The following USH2A variants were observed in gnomAD, a reference collection of about 807,000 sequenced individuals.
USH2A encodes Usher syndrome 2A (autosomal recessive, mild).
In USH2A, 443 loss-of-function variants were observed where a neutral mutation model predicts 538.9. The observed-to-expected ratio is 0.82, with a 90% CI of 0.76 to 0.89. USH2A has a LOEUF of 0.89. Among genes scored for constraint, USH2A ranks in the 40% least tolerant of loss-of-function variants. The pLI, the probability that USH2A is intolerant of heterozygous loss-of-function variation, is 0.00. For synonymous variants in USH2A, 2,413 were observed against 2,273.5 expected (o/e 1.06, Z -1.75); for missense variants, 6,633 against 6,324.8 (o/e 1.05, Z -1.65).
intron 3 of USH2A, among the ~76,000 whole-genome samples, chr1:216,384,384 G>T (rs760647919): frequency 3.3e-5 from 5 of 151,992 alleles, no homozygotes; most frequent in Non-Finnish European, 7.4e-5. Context: ...GGTAGGGGAA[G>T]AAATGCTAAA....
intron 32 of USH2A, among the ~76,000 whole-genome samples, chr1:216,010,845 C>A (rs1668544576): frequency 6.6e-6 from 1 of 151,914 alleles, no homozygotes; most frequent in African/African-American, 2.4e-5. Context: ...CTTCCCAATC[C>A]AAAGCCTCCT....
chr1:215,659,595 G>A (rs1468430352), intron 64 of USH2A, among the ~76,000 whole-genome samples: 1 of 152,046 alleles, frequency 6.6e-6, no homozygotes, highest in African/African-American at 2.4e-5. Context: ...TAGCCTTAAA[G>A]TCAACTTATT....
At chr1:215,733,211 G>T (rs1660057546) in intron 60 of USH2A, among the ~76,000 whole-genome samples, 1 of 120,762 alleles carries the variant, frequency 8.3e-6, no homozygotes. Context: ...GGGGCGGGGG[G>T]CGGGTGGAGT....
At chr1:215,759,326 C>G (rs1660907783) in intron 57 of USH2A, among the ~76,000 whole-genome samples, 1 of 152,018 alleles carries the variant, frequency 6.6e-6, no homozygotes, top group Admixed American at 6.6e-5. Flanking sequence ...TGACGGAAAA[C>G]AAAACTCTTT....
At chr1:216,187,210 A>AT (rs1367284749) in intron 20 of USH2A, among the ~76,000 whole-genome samples, 1 of 151,714 alleles carries the variant, frequency 6.6e-6, no homozygotes, top group Non-Finnish European at 1.5e-5. Flanking sequence ...TTCCCATAGC[A>AT]TTTTTTTCAC....
chr1:215,736,559 A>T (rs565040689), intron 60 of USH2A, among the ~76,000 whole-genome samples: 1 of 152,082 alleles, frequency 6.6e-6, no homozygotes, highest in South Asian at 2.1e-4. Flanking sequence ...TAAGGAGTAG[A>T]GCCATAAAAG....
chr1:216,300,974 T>G (rs1247870265), intron 9 of USH2A, among the ~76,000 whole-genome samples: 1 of 151,942 alleles, frequency 6.6e-6, no homozygotes, highest in Non-Finnish European at 1.5e-5. Flanking sequence ...CGTCTCAAAC[T>G]CCTGACTTCA....
intron 14 of USH2A, among the ~76,000 whole-genome samples, chr1:216,226,472 T>C (rs2035563447): frequency 1.3e-5 from 2 of 152,174 alleles, no homozygotes; most frequent in Admixed American, 1.3e-4. Flanking sequence ...GTAGCTTGGT[T>C]AGCCTCCTCC....
intron 61 of USH2A, among the ~76,000 whole-genome samples, chr1:215,714,839 G>A (rs1659436517): frequency 6.6e-6 from 1 of 152,212 alleles, no homozygotes; most frequent in South Asian, 2.1e-4. Context: ...GGTGTTTTTG[G>A]TGTAATAGGT....
intron 5 of USH2A, among the ~76,000 whole-genome samples, chr1:216,327,271 T>C (rs1053001549): frequency 6.6e-6 from 1 of 152,168 alleles, no homozygotes; most frequent in Admixed American, 6.6e-5. Context: ...TTCTCAAGTA[T>C]TGTTAATAGA....
chr1:215,851,711 C>G (rs1664020340), intron 44 of USH2A, among the ~76,000 whole-genome samples: 2 of 151,912 alleles, frequency 1.3e-5, no homozygotes, highest in Admixed American at 1.3e-4. Context: ...CATTCTAATA[C>G]CAAAAACAGG....
At chr1:215,993,847 ACT>A (rs1210786378) in intron 34 of USH2A, among the ~76,000 whole-genome samples, 4 of 151,984 alleles carry the variant, frequency 2.6e-5, no homozygotes, top group East Asian at 3.8e-4. Context: ...TGATCACAGA[ACT>A]CTCTGTTCCC....
intron 44 of USH2A, among the ~76,000 whole-genome samples, chr1:215,846,638 A>G (rs775440360): frequency 1.3e-5 from 2 of 152,160 alleles, no homozygotes; most frequent in African/African-American, 4.8e-5. Context: ...TAATTTTGCT[A>G]CTTATAATTA....
At chr1:215,668,369 C>A (rs1055015388) in intron 64 of USH2A, among the ~76,000 whole-genome samples, 1 of 152,172 alleles carries the variant, frequency 6.6e-6, no homozygotes, top group Non-Finnish European at 1.5e-5. Flanking sequence ...ATTTTCTGAT[C>A]ATTTATTTCA....
Position 215,647,694 on chromosome 1 carries a change from G to C in USH2A, c.14619C>G (p.Asp4873Glu). The C allele has an allele frequency of 6.2e-7, 1 of 1,614,214 alleles. No homozygotes were observed. Among genetic ancestry groups the C allele is most frequent in the Non-Finnish European group, 8.5e-7 (1 of 1,180,034 alleles). The change falls in exon 67 of 72, where the codon GAC becomes GAG. Residue 4873 changes from aspartate to glutamate, a missense_variant. Physicochemically the swap from Asp to Glu is conservative, Grantham distance 45. Transcript: ENST00000307340. ...ELQFHVACPPDSALPCTPSQI... is the reference protein window; with the variant it reads ...ELQFHVACPPESALPCTPSQI... Reference sequence around the variant, plus strand: ...GGCTGGGAGTACAGGGGAGGGCTGAGTCAGGAGGGCAAGCCACGTGGAATT... The same window carrying C: ...GGCTGGGAGTACAGGGGAGGGCTGACTCAGGAGGGCAAGCCACGTGGAATT...
chr1:216,325,245 T>C, intron 6 of USH2A, 60 bp downstream of exon 6: 1 of 1,557,306 alleles, frequency 6.4e-7, no homozygotes, highest in Non-Finnish European at 8.8e-7. Context: ...ACATGAAGTT[T>C]GTGGGCATTT....
At position 216,078,330 on chromosome 1, in the gene USH2A, C is replaced by A. The variant is rs771621501; in HGVS notation, c.5331G>T (p.Arg1777=). 2 of 1,613,536 alleles carry A rather than the reference C, an allele frequency of 1.2e-6. No individual in the cohort carries two copies. The highest frequency in any genetic ancestry group is 2.7e-5 in the African/African-American group (2 of 74,852). The change falls in exon 27 of 72, where the codon CGG becomes CGT. Residue 1777 remains arginine, a synonymous_variant. Coordinates refer to ENST00000307340, the MANE Select transcript of USH2A (RefSeq NM_206933.4). ...MELKSGILTF[R]LNTSLAFTQV... is the part of the protein sequence containing the mutation. ...GTGTAAAGGCAAGACTGGTATTTAACCGGAAGGTCAATATTCCACTTTTCA... is the reference window on the plus strand; with the variant it reads ...GTGTAAAGGCAAGACTGGTATTTAAACGGAAGGTCAATATTCCACTTTTCA...
intron 11 of USH2A, among the ~76,000 whole-genome samples, chr1:216,284,209 T>C (rs1432244605): frequency 1.3e-5 from 2 of 152,114 alleles, no homozygotes; most frequent in African/African-American, 4.8e-5. Context: ...TGGAGCAATA[T>C]GTGTTCGCTG....
chr1:215,719,693 A>G (rs1381047989), intron 61 of USH2A, among the ~76,000 whole-genome samples: 1 of 152,194 alleles, frequency 6.6e-6, no homozygotes, highest in Non-Finnish European at 1.5e-5. Flanking sequence ...AGTACTTTGC[A>G]TATACATTAA....
Sources: gnomAD v4.1 joint callset for allele counts (sites outside exome capture counted in the v4.1 genomes callset) on GRCh38, gnomAD v4.1.1 for gene constraint, MANE v1.5 for transcripts, NCBI Gene and HGNC (gene_info 2026-07-23, HGNC 2026-07-21) for gene names.